PRMT3: variants seen among roughly 807,000 people sequenced by gnomAD.
PRMT3 encodes protein arginine N-methyltransferase 3.
PRMT3 carries 62 observed loss-of-function variants against 71.9 expected under a neutral mutation model. That is an observed-to-expected ratio of 0.86 (90% CI 0.70 to 1.07). PRMT3 has a LOEUF of 1.07. PRMT3 is among the 50% of genes least tolerant of loss of function. The probability of loss-of-function intolerance (pLI) is 0.00; values close to 1 mark genes in which losing one functional copy is unlikely to be tolerated. For missense variants in PRMT3, 663 were observed against 643.0 expected, an observed-to-expected ratio of 1.03 and a Z score of -0.34; for synonymous variants, 213 against 220.4, an observed-to-expected ratio of 0.97 and a Z score of 0.30.
At chr11:20,492,337 G>A (rs1851227600) in intron 13 of PRMT3, among the ~76,000 whole-genome samples, 1 of 152,160 alleles carries the variant, frequency 6.6e-6, no homozygotes, top group African/African-American at 2.4e-5. Context: ...AACTGATAAA[G>A]TTATATTTAG....
At chr11:20,476,952 G>A (rs1044552580) in intron 13 of PRMT3, among the ~76,000 whole-genome samples, 1 of 152,160 alleles carries the variant, frequency 6.6e-6, no homozygotes, top group African/African-American at 2.4e-5. Flanking sequence ...ATACGGACTA[G>A]AGTAGGTAAT....
At chr11:20,482,071 A>C (rs925240333) in intron 13 of PRMT3, among the ~76,000 whole-genome samples, 1 of 152,146 alleles carries the variant, frequency 6.6e-6, no homozygotes, top group Admixed American at 6.6e-5. Flanking sequence ...AGAATGCAAA[A>C]GTCCACAAAA....
In PRMT3 at chr11:20,443,915, A is replaced by C. The variant is rs550307328; in HGVS notation, c.994-8215A>C. On this transcript the variant is annotated intron_variant, in intron 10 of 15. Transcript: ENST00000331079. Reference sequence around the variant, plus strand: ...GTTCTCCAGAAGTCCACAATACTAAAAAGTTGGGAACTGTATGTTGGAAGG... The same window carrying C: ...GTTCTCCAGAAGTCCACAATACTAACAAGTTGGGAACTGTATGTTGGAAGG... Among the ~76,000 whole-genome samples, 108 of 152,332 alleles carry C rather than the reference A, an allele frequency of 7.1e-4. 1 individual carries two copies. The highest frequency in any genetic ancestry group is 1.9e-4 in the Non-Finnish European group (13 of 68,016).
chr11:20,493,907 T>C lies in PRMT3; in HGVS notation c.1348-12T>C. 1 of 1,553,500 alleles carries C rather than the reference T, an allele frequency of 6.4e-7. No individual in the cohort carries two copies. Among genetic ancestry groups the C allele is most frequent in the South Asian group, 1.2e-5 (1 of 86,638 alleles). Reference sequence around the variant, plus strand: ...TTTAGTAAGCATTTATATTTCTTTTTTTAAAAAACAGGCAATTGCTGGCTA... The same window carrying C: ...TTTAGTAAGCATTTATATTTCTTTTCTTAAAAAACAGGCAATTGCTGGCTA... On this transcript the variant is annotated splice_polypyrimidine_tract_variant and intron_variant, in intron 13 of 15. Transcript: ENST00000331079.
At chr11:20,462,816 T>C (rs1850416126) in intron 12 of PRMT3, among the ~76,000 whole-genome samples, 1 of 151,922 alleles carries the variant, frequency 6.6e-6, no homozygotes, top group Non-Finnish European at 1.5e-5. Context: ...TTCAACTAGA[T>C]AATCAAATCT....
At chr11:20,459,999 A>G (rs1850347266) in intron 11 of PRMT3, among the ~76,000 whole-genome samples, 1 of 152,212 alleles carries the variant, frequency 6.6e-6, no homozygotes, top group Non-Finnish European at 1.5e-5. Flanking sequence ...CTATCAGGGA[A>G]GACTTGAGAA....
At chr11:20,477,164 C>T (rs114154826) in intron 13 of PRMT3, among the ~76,000 whole-genome samples, 4,549 of 152,100 alleles carry the variant, frequency 0.03, 231 homozygotes, top group African/African-American at 0.1. Flanking sequence ...AGAGGAAGGA[C>T]GTGAGAATAT....
intron 9 of PRMT3, among the ~76,000 whole-genome samples, chr11:20,419,031 G>C (rs988331129): frequency 2.6e-5 from 4 of 152,118 alleles, no homozygotes; most frequent in African/African-American, 9.7e-5. Context: ...GCACACATCT[G>C]GGGGGTGTAT....
chr11:20,507,894 G>T (rs948407566), intron 15 of PRMT3, among the ~76,000 whole-genome samples: 5 of 151,972 alleles, frequency 3.3e-5, no homozygotes, highest in African/African-American at 1.2e-4. Context: ...ATCACCTGAG[G>T]TCAGGAGTTC....
intron 2 of PRMT3, 25 bp from the exon 3 acceptor site, chr11:20,389,719 A>C (rs947886993): frequency 6.5e-7 from 1 of 1,535,978 alleles, no homozygotes; most frequent in African/African-American, 1.4e-5. Context: ...GGACTATTCC[A>C]TGAAGCTATT....
chr11:20,488,450 A>G (rs1038059412), intron 13 of PRMT3, among the ~76,000 whole-genome samples: 10 of 152,308 alleles, frequency 6.6e-5, no homozygotes, highest in Admixed American at 6.5e-4. Context: ...AAATACTTCA[A>G]CGAAAAATGA....
Position 20,409,547 on chromosome 11 carries a change from A to G in PRMT3, c.893+1515A>G, listed in dbSNP as rs548273588. On this transcript the variant is annotated intron_variant, in intron 9 of 15. Transcript: ENST00000331079. ...AATATTTGGAGCGTTAGCTATGGTTATTATTAACAAATACCAAATCAGTGT... is the reference window on the plus strand; with the variant it reads ...AATATTTGGAGCGTTAGCTATGGTTGTTATTAACAAATACCAAATCAGTGT... 6.2e-4 allele frequency among the ~76,000 whole-genome samples: 95 copies of G among 152,188 alleles called. 1 individual carries two copies. The highest frequency in any genetic ancestry group is 6.8e-3 in the Middle Eastern group (2 of 294).
intron 10 of PRMT3, among the ~76,000 whole-genome samples, chr11:20,450,635 CAATG>C (rs1380531249): frequency 4.6e-5 from 7 of 152,076 alleles, no homozygotes; most frequent in African/African-American, 1.7e-4. Flanking sequence ...ATTTTTGTAT[CAATG>C]AATCAGTGAG....
At position 20,397,641 on chromosome 11, in the gene PRMT3, A is replaced by G; in HGVS notation, c.625A>G (p.Ile209Val). 2 of 1,614,158 alleles carry G rather than the reference A, an allele frequency of 1.2e-6. No homozygotes were observed. Among genetic ancestry groups the G allele is most frequent in the Non-Finnish European group, 1.7e-6 (2 of 1,180,030 alleles). ...AACCTGCTCGTCATCTACTAGTGTC[A>G]TTGCGGACCTCCAGGAGGATGAGGA... The part of the protein sequence containing the change: ...VRTCSSSTSV[I>V]ADLQEDEDGV... The change falls in exon 7 of 16, where the codon ATT becomes GTT. Residue 209 changes from isoleucine (I) to valine (V), a missense_variant. Coordinates refer to ENST00000331079, the MANE Select transcript of PRMT3 (RefSeq NM_005788.4).
chr11:20,480,752 A>G (rs1850911742), intron 13 of PRMT3, among the ~76,000 whole-genome samples: 1 of 152,102 alleles, frequency 6.6e-6, no homozygotes, highest in Non-Finnish European at 1.5e-5. Flanking sequence ...AATGAGTTAG[A>G]TGATGGGGAG....
chr11:20,451,252 G>T (rs1177002334), intron 10 of PRMT3, among the ~76,000 whole-genome samples: 1 of 151,738 alleles, frequency 6.6e-6, no homozygotes, highest in Non-Finnish European at 1.5e-5. Flanking sequence ...CATGTTTCAT[G>T]AATTTTATTT....
chr11:20,455,636 T>C (rs928479884), intron 11 of PRMT3, among the ~76,000 whole-genome samples: 3 of 151,988 alleles, frequency 2.0e-5, no homozygotes, highest in Non-Finnish European at 2.9e-5. Context: ...TCCTAATTTT[T>C]CTGAAAAATA....
At chr11:20,449,536 C>T (rs932353710) in intron 10 of PRMT3, among the ~76,000 whole-genome samples, 1 of 151,882 alleles carries the variant, frequency 6.6e-6, no homozygotes, top group Non-Finnish European at 1.5e-5. Flanking sequence ...TTTATGTGAC[C>T]GAACTATTAT....
intron 10 of PRMT3, among the ~76,000 whole-genome samples, chr11:20,439,586 A>G (rs1053871119): frequency 6.6e-6 from 1 of 152,230 alleles, no homozygotes; most frequent in Non-Finnish European, 1.5e-5. Flanking sequence ...TTTAATGTAC[A>G]TTGCAGTTTC....
Sources: allele counts gnomAD v4.1 joint callset (sites outside exome capture counted in the v4.1 genomes callset), GRCh38; gene constraint gnomAD v4.1.1; transcripts MANE v1.5; gene names NCBI Gene and HGNC (gene_info 2026-07-23, HGNC 2026-07-21).